Variants in RSPRY1 observed in about 807,000 individuals in gnomAD.
The protein encoded by RSPRY1 is RING finger and SPRY domain-containing protein 1.
RSPRY1 carries 23 observed loss-of-function variants against 73.1 expected under a neutral mutation model. The ratio of observed to expected loss-of-function variants is 0.31; its 90% CI spans 0.23 to 0.45. RSPRY1 has a LOEUF of 0.45. RSPRY1 is among the 20% of genes least tolerant of loss of function. The pLI is 1.00. For synonymous variants in RSPRY1, 226 were observed against 251.4 expected (o/e 0.90, Z 0.95); for missense variants, 448 against 698.7 (o/e 0.64, Z 4.05).
chr16:57,195,280 G>A (rs1205414071), intron 1 of RSPRY1, among the ~76,000 whole-genome samples: 1 of 151,360 alleles, frequency 6.6e-6, no homozygotes, highest in Non-Finnish European at 1.5e-5. Context: ...GGGAGGCCGA[G>A]GTGGGCAGAT....
intron 1 of RSPRY1, among the ~76,000 whole-genome samples, chr16:57,199,895 G>GTTTTTTTTTTCTT (rs2074530206): frequency 1.9e-5 from 2 of 106,272 alleles, no homozygotes; most frequent in Admixed American, 1.1e-4. Context: ...TTTTTTGTTT[G>GTTTTTTTTTTCTT]TTTTTTTTTT....
chr16:57,194,125 T>A (rs2074397571), intron 1 of RSPRY1, among the ~76,000 whole-genome samples: 1 of 152,138 alleles, frequency 6.6e-6, no homozygotes. Flanking sequence ...AAACTTGAAG[T>A]TTATTGAAGT....
At chr16:57,214,115 T>TA (rs1163238502) in intron 6 of RSPRY1, among the ~76,000 whole-genome samples, 169 bp downstream of exon 6, 1 of 152,190 alleles carries the variant, frequency 6.6e-6, no homozygotes, top group African/African-American at 2.4e-5. Flanking sequence ...CTCCTATGTT[T>TA]AAAAAAGAGA....
intron 8 of RSPRY1, 141 bp downstream of exon 8, chr16:57,217,176 C>A (rs577396226): frequency 3.7e-5 from 32 of 855,546 alleles, no homozygotes; most frequent in Non-Finnish European, 5.6e-5. Context: ...TATATTCTAG[C>A]AGAAAAGTAT....
In RSPRY1 at chr16:57,213,961, A is replaced by G; in HGVS notation, c.702+15A>G. The stretch of plus-strand genomic sequence containing the variant: ...TACAGTGTCTGGTAAGTGAGACATC[A>G]AAACTATTTATTCTTAGTCATCTAG... On this transcript the variant is annotated intron_variant, in intron 6 of 14. Transcript: ENST00000394420. 1 of 1,568,992 alleles carries G rather than the reference A, an allele frequency of 6.4e-7. No homozygotes were observed. Among genetic ancestry groups the G allele is most frequent in the South Asian group, 1.1e-5 (1 of 90,154 alleles).
chr16:57,200,333 A>T (rs1198372596), intron 1 of RSPRY1, among the ~76,000 whole-genome samples: 1 of 151,492 alleles, frequency 6.6e-6, no homozygotes, highest in Admixed American at 6.6e-5. Context: ...CAACCATCCG[A>T]TTTCTCAATC....
intron 13 of RSPRY1, among the ~76,000 whole-genome samples, chr16:57,232,453 T>G (rs1270306047): frequency 1.3e-5 from 2 of 152,216 alleles, no homozygotes; most frequent in Non-Finnish European, 2.9e-5. Flanking sequence ...TCATTCAGGC[T>G]CATCCTTGGT....
intron 9 of RSPRY1, among the ~76,000 whole-genome samples, 167 bp from the exon 10 acceptor site, chr16:57,221,105 T>G (rs1279789844): frequency 6.6e-6 from 1 of 152,230 alleles, no homozygotes. Context: ...AAATGCCTTA[T>G]GTAGTTTGGT....
chr16:57,232,783 C>A (rs1171073141), intron 13 of RSPRY1, among the ~76,000 whole-genome samples: 1 of 152,136 alleles, frequency 6.6e-6, no homozygotes, highest in Non-Finnish European at 1.5e-5. Context: ...CTCTTGGTAA[C>A]CATGTATATA....
chr16:57,195,931 C>T (rs1041910079), intron 1 of RSPRY1, among the ~76,000 whole-genome samples: 8 of 149,044 alleles, frequency 5.4e-5, no homozygotes, highest in East Asian at 2.0e-4. Context: ...CTGAGGTAGG[C>T]GAATCACTTG....
At chr16:57,192,385 A>G (rs1422592249) in intron 1 of RSPRY1, among the ~76,000 whole-genome samples, 1 of 152,150 alleles carries the variant, frequency 6.6e-6, no homozygotes, top group Non-Finnish European at 1.5e-5. Context: ...TCTTCCCTGT[A>G]CTGCAACCGT....
intron 1 of RSPRY1, among the ~76,000 whole-genome samples, chr16:57,191,756 C>G (rs2074355928): frequency 6.6e-6 from 1 of 152,112 alleles, no homozygotes; most frequent in Non-Finnish European, 1.5e-5. Context: ...AAGATAGATT[C>G]TCTAGTCCCC....
chr16:57,233,014 AACTT>A (rs1416427886), intron 13 of RSPRY1, among the ~76,000 whole-genome samples: 2 of 152,198 alleles, frequency 1.3e-5, no homozygotes, highest in Non-Finnish European at 2.9e-5. Flanking sequence ...ATTAAGTATG[AACTT>A]ACTTGAGACC....
Position 57,198,161 on chromosome 16 carries a change from G to A in RSPRY1, c.-155-6343G>A, listed in dbSNP as rs1276947247. Among the ~76,000 whole-genome samples, 7 of 152,076 alleles carry A rather than the reference G, an allele frequency of 4.6e-5. No homozygotes were observed. In the East Asian group the frequency reaches 1.2e-3, roughly 25 times the overall value. On this transcript the variant is annotated intron_variant, in intron 1 of 14. Transcript: ENST00000394420. ...AGCATTTTGGGAGGCCGAGGCAGGC[G>A]GATCACGAGGTCAGGAGATCGAGAC...
At chr16:57,204,228 C>G (rs1175929157) in intron 1 of RSPRY1, among the ~76,000 whole-genome samples, 9 of 151,486 alleles carry the variant, frequency 5.9e-5, no homozygotes, top group Admixed American at 3.3e-4. Context: ...ACAGGAAAAA[C>G]TATACATGTG....
chr16:57,203,563 T>C (rs995568880), intron 1 of RSPRY1, among the ~76,000 whole-genome samples: 2 of 152,196 alleles, frequency 1.3e-5, no homozygotes, highest in Non-Finnish European at 2.9e-5. Flanking sequence ...TTCTAAATCT[T>C]TACTTCCTTC....
At chr16:57,197,123 G>A (rs1476885690) in intron 1 of RSPRY1, among the ~76,000 whole-genome samples, 2 of 152,102 alleles carry the variant, frequency 1.3e-5, no homozygotes, top group African/African-American at 4.8e-5. Context: ...AGTGGGCCAC[G>A]TAAAGCTTTT....
intron 3 of RSPRY1, among the ~76,000 whole-genome samples, 192 bp downstream of exon 3, chr16:57,208,302 C>CTTTTTT (rs34138044): frequency 7.6e-5 from 6 of 79,178 alleles, no homozygotes; most frequent in East Asian, 3.3e-4. Context: ...CATATTATAC[C>CTTTTTT]TTTTTTTTTT....
intron 6 of RSPRY1, among the ~76,000 whole-genome samples, chr16:57,215,897 A>G (rs1299721712): frequency 1.3e-5 from 2 of 152,190 alleles, no homozygotes; most frequent in African/African-American, 2.4e-5. Context: ...TAGTGACTTT[A>G]AGAAAAAAAT....
Sources: allele counts gnomAD v4.1 joint callset (sites outside exome capture counted in the v4.1 genomes callset), GRCh38; gene constraint gnomAD v4.1.1; transcripts MANE v1.5; gene names NCBI Gene and HGNC (gene_info 2026-07-23, HGNC 2026-07-21).